Variants in MCF2L2 observed in about 807,000 individuals in gnomAD.
The protein encoded by MCF2L2 is MCF.2 cell line derived transforming sequence-like 2, also known as probable guanine nucleotide exchange factor MCF2L2.
MCF2L2 carries 102 observed loss-of-function variants against 150.2 expected under a neutral mutation model. The ratio of observed to expected loss-of-function variants is 0.68; its 90% CI spans 0.58 to 0.80. The LOEUF is 0.80. Among genes scored for constraint, MCF2L2 ranks in the 30% least tolerant of loss-of-function variants. MCF2L2 has a pLI of 0.00. For synonymous variants in MCF2L2, 465 were observed against 491.3 expected (o/e 0.95, Z 0.71); for missense variants, 1,256 against 1,372.8 (o/e 0.91, Z 1.34).
At chr3:183,264,160 A>G (rs952981611) in intron 15 of MCF2L2, among the ~76,000 whole-genome samples, 1 of 152,150 alleles carries the variant, frequency 6.6e-6, no homozygotes, top group East Asian at 1.9e-4. Context: ...AGACTCCTCT[A>G]CCTGATTTTC....
Position 183,230,954 on chromosome 3 carries a change from AATTATG to A in MCF2L2, c.1920_1925del (p.Ile641_Ile642del). 1 of 1,612,306 alleles carries A rather than the reference AATTATG, an allele frequency of 6.2e-7. No homozygotes were observed. On this transcript the variant is annotated inframe_deletion, in exon 16 of 30. Transcript: ENST00000328913. ...CCCACTCCCCAAATCTACTTACATCAATTATGCTTTTAATCTCTTTTATGTAAATCT... is the reference window on the plus strand; with the variant it reads ...CCCACTCCCCAAATCTACTTACATCACTTTTAATCTCTTTTATGTAAATCT...
At chr3:183,417,352 T>G (rs963367269) in intron 1 of MCF2L2, among the ~76,000 whole-genome samples, 20 of 152,122 alleles carry the variant, frequency 1.3e-4, no homozygotes, top group African/African-American at 4.8e-4. Flanking sequence ...CTCTTCAACT[T>G]ATGATGAAGT....
intron 1 of MCF2L2, among the ~76,000 whole-genome samples, chr3:183,418,266 C>T (rs1577140711): frequency 6.6e-6 from 1 of 152,042 alleles, no homozygotes; most frequent in Non-Finnish European, 1.5e-5. Context: ...TGGAGGAAAC[C>T]ACCCCCATGA....
chr3:183,424,518 T>TA (rs1716061544), intron 1 of MCF2L2, among the ~76,000 whole-genome samples: 2 of 152,180 alleles, frequency 1.3e-5, no homozygotes, highest in African/African-American at 4.8e-5. Context: ...TGCATCTCCT[T>TA]AGAGTGAGGC....
intron 10 of MCF2L2, among the ~76,000 whole-genome samples, chr3:183,303,194 C>CAAAAAAAAAAAAAA (rs56742154): frequency 5.6e-4 from 69 of 123,880 alleles, no homozygotes; most frequent in African/African-American, 1.7e-3. Context: ...ACTCTGTCTC[C>CAAAAAAAAAAAAAA]AAAAAAAAAA....
Position 183,229,682 on chromosome 3 carries a change from A to G in MCF2L2, c.2029T>C (p.Tyr677His). Residue 677 changes from tyrosine (Y) to histidine (H), a missense_variant, in exon 17 of 30, where the codon TAC (tyrosine) becomes CAC (histidine). Physicochemically the swap from Tyr to His is moderately conservative, Grantham distance 83. Coordinates refer to ENST00000328913, the MANE Select transcript of MCF2L2 (RefSeq NM_015078.4). ...ATTATATACCTGTTGTGAAATTCGTAAAGTTCTCTAATATTCCCAAAGAGA... is the reference window on the plus strand; with the variant it reads ...ATTATATACCTGTTGTGAAATTCGTGAAGTTCTCTAATATTCCCAAAGAGA... ...DFLFGNIREL[Y>H]EFHNRTFLKE... The G allele has an allele frequency of 1.3e-6, 2 of 1,541,588 alleles. No homozygotes were observed. The highest frequency in any genetic ancestry group is 1.8e-6 in the Non-Finnish European group (2 of 1,118,988).
intron 3 of MCF2L2, among the ~76,000 whole-genome samples, chr3:183,361,700 C>T (rs894764576): frequency 9.9e-5 from 15 of 152,174 alleles, no homozygotes; most frequent in Admixed American, 5.9e-4. Flanking sequence ...AGTGTGAGAA[C>T]GGACAAGTAC....
intron 10 of MCF2L2, among the ~76,000 whole-genome samples, chr3:183,303,194 CA>C (rs56742154): frequency 1.9e-3 from 235 of 123,466 alleles, no homozygotes; most frequent in Middle Eastern, 4.6e-3. Context: ...ACTCTGTCTC[CA>C]AAAAAAAAAA....
intron 15 of MCF2L2, among the ~76,000 whole-genome samples, chr3:183,264,087 A>G (rs1725872446): frequency 6.6e-6 from 1 of 152,150 alleles, no homozygotes; most frequent in Admixed American, 6.5e-5. Context: ...TGAGCAAGGG[A>G]GTTACTATAA....
intron 3 of MCF2L2, 57 bp from the exon 4 acceptor site, chr3:183,341,687 G>T: frequency 8.2e-7 from 1 of 1,215,872 alleles, no homozygotes; most frequent in Non-Finnish European, 1.2e-6. Context: ...GCTCCATGTG[G>T]CTCCCACAGC....
intron 3 of MCF2L2, among the ~76,000 whole-genome samples, chr3:183,344,537 G>C (rs1394243725): frequency 1.3e-5 from 2 of 152,176 alleles, no homozygotes; most frequent in African/African-American, 4.8e-5. Flanking sequence ...AAAATAATCA[G>C]TTAGCATCAG....
chr3:183,347,089 C>G (rs1330222779), intron 3 of MCF2L2, among the ~76,000 whole-genome samples: 1 of 152,114 alleles, frequency 6.6e-6, no homozygotes. Flanking sequence ...AAAAAAGAGC[C>G]CGTATAGCTA....
intron 3 of MCF2L2, among the ~76,000 whole-genome samples, chr3:183,349,929 C>G (rs1218206607): frequency 6.6e-6 from 1 of 152,016 alleles, no homozygotes; most frequent in Non-Finnish European, 1.5e-5. Flanking sequence ...AAGGGAGCCA[C>G]CAGGACTCTT....
At chr3:183,416,720 AT>A (rs551843889) in intron 1 of MCF2L2, among the ~76,000 whole-genome samples, 13 of 152,340 alleles carry the variant, frequency 8.5e-5, no homozygotes, top group Non-Finnish European at 5.9e-5. Flanking sequence ...ATTCAAAGAA[AT>A]AAAAAACAAT....
intron 25 of MCF2L2, among the ~76,000 whole-genome samples, chr3:183,201,749 T>G (rs1309040340): frequency 1.3e-5 from 2 of 152,196 alleles, no homozygotes; most frequent in Non-Finnish European, 2.9e-5. Flanking sequence ...CAGTATGATA[T>G]TGGCTGTGGG....
Position 183,428,224 on chromosome 3 carries a change from G to C in MCF2L2, c.-247C>G, listed in dbSNP as rs1190126138. The C allele has an allele frequency of 2.1e-6, 1 of 479,508 alleles. No homozygotes were observed. Among genetic ancestry groups the C allele is most frequent in the East Asian group, 3.9e-5 (1 of 25,374 alleles). The allele number at this position is 479,508 out of a possible 1,614,324, so 29.7% of individuals were successfully genotyped here. A position where few individuals can be genotyped will look rare whatever the true frequency, so the allele number is the denominator to read the frequency against. ...GTCGCAGCTGGACCGAGAGAGGAGCGGCCGTTCTGCAAAAGGAAGCAAGTC... is the reference window on the plus strand; with the variant it reads ...GTCGCAGCTGGACCGAGAGAGGAGCCGCCGTTCTGCAAAAGGAAGCAAGTC... On this transcript the variant is annotated 5_prime_UTR_variant, in exon 1 of 30. Coordinates refer to ENST00000328913, the MANE Select transcript of MCF2L2 (RefSeq NM_015078.4). The surrounding 1 kb of genome is among the most constrained non-coding windows in gnomAD (Gnocchi z 5.1).
intron 5 of MCF2L2, among the ~76,000 whole-genome samples, chr3:183,335,482 G>A (rs887643237): frequency 3.9e-5 from 6 of 152,192 alleles, no homozygotes; most frequent in Admixed American, 1.3e-4. Context: ...TTGAAACCTA[G>A]TCACCAAGGT....
intron 15 of MCF2L2, among the ~76,000 whole-genome samples, chr3:183,262,344 A>AG (rs1337278051): frequency 1.3e-5 from 2 of 152,110 alleles, no homozygotes; most frequent in African/African-American, 4.8e-5. Context: ...CCCAGTCAGC[A>AG]GGACAGGGAT....
chr3:183,284,322 A>G (rs1465471790), intron 14 of MCF2L2, among the ~76,000 whole-genome samples: 1 of 152,218 alleles, frequency 6.6e-6, no homozygotes, highest in Non-Finnish European at 1.5e-5. Flanking sequence ...CCAAGTCCTC[A>G]TGACCTATAA....
Sources: allele counts gnomAD v4.1 joint callset (sites outside exome capture counted in the v4.1 genomes callset), GRCh38; gene constraint gnomAD v4.1.1; non-coding constraint Gnocchi (gnomAD v3.1); transcripts MANE v1.5; gene names NCBI Gene and HGNC (gene_info 2026-07-23, HGNC 2026-07-21).